Variants in FBXL20 observed in about 807,000 individuals in gnomAD.
FBXL20 encodes F-box and leucine rich repeat protein 20, also known as F-box/LRR-repeat protein 20.
Under a neutral mutation model 64.0 loss-of-function variants are expected in FBXL20, and 11 were observed. The observed-to-expected ratio is 0.17, with a 90% CI of 0.11 to 0.28. The LOEUF (loss-of-function observed/expected upper bound fraction) is 0.28. FBXL20 is among the 10% of genes least tolerant of loss of function. FBXL20 has a pLI of 1.00. For synonymous variants in FBXL20, 184 were observed against 189.0 expected (o/e 0.97, Z 0.22); for missense variants, 303 against 526.2 (o/e 0.58, Z 4.15).
At chr17:39,400,349 G>A (rs1218677812) in intron 1 of FBXL20, among the ~76,000 whole-genome samples, 7 of 152,170 alleles carry the variant, frequency 4.6e-5, no homozygotes, top group Admixed American at 3.9e-4. Context: ...TAGTTGTCGA[G>A]TTTCTTAAAC....
At position 39,282,801 on chromosome 17, in the gene FBXL20, G is replaced by C. The variant is rs761057089; in HGVS notation, c.549C>G (p.Thr183=). Residue 183 remains threonine (T), a synonymous_variant, in exon 8 of 15, where the codon ACC becomes ACG. Transcript: ENST00000264658. ...QLNISWCDQV[T]KDGIQALVRG... ...TCACTAGTGCTTGAATGCCATCCTT[G>C]GTTACTTGGTCACACCAGGAAATGT... 4 of 1,614,000 alleles carry C rather than the reference G, an allele frequency of 2.5e-6. No individual in the cohort carries two copies. Among genetic ancestry groups the C allele is most frequent in the Non-Finnish European group, 2.5e-6 (3 of 1,180,004 alleles).
chr17:39,391,311 T>C (rs1226381802), intron 1 of FBXL20, among the ~76,000 whole-genome samples: 1 of 150,784 alleles, frequency 6.6e-6, no homozygotes, highest in Non-Finnish European at 1.5e-5. Flanking sequence ...TCGAAAGCAG[T>C]ATATAGGATA....
intron 9 of FBXL20, among the ~76,000 whole-genome samples, chr17:39,280,083 A>C (rs1424657844): frequency 6.6e-6 from 1 of 151,936 alleles, no homozygotes; most frequent in African/African-American, 2.4e-5. Context: ...AAATACAAAA[A>C]AATCAGCCAG....
intron 1 of FBXL20, among the ~76,000 whole-genome samples, chr17:39,360,039 TA>T (rs1293114384): frequency 6.6e-6 from 1 of 152,092 alleles, no homozygotes; most frequent in Non-Finnish European, 1.5e-5. Flanking sequence ...TATGATTATA[TA>T]AAATTTACAT....
In FBXL20 at chr17:39,257,527, A is replaced by G. The variant is rs2046706297; in HGVS notation, c.*3933T>C. On this transcript the variant is annotated 3_prime_UTR_variant, in exon 15 of 15. Coordinates refer to ENST00000264658, the MANE Select transcript of FBXL20 (RefSeq NM_032875.3). ...AGACAAGAGCAGAATAGGAGAAGAA[A>G]ACATTTTTTACACAAAGCACAATAT... 2 of 152,262 alleles carry G rather than the reference A, an allele frequency of 1.3e-5. No homozygotes were observed. The highest frequency in any genetic ancestry group is 2.9e-5 in the Non-Finnish European group (2 of 68,046). The allele number at this position is 152,262 out of a possible 1,614,324, so 9.4% of individuals were successfully genotyped here.
chr17:39,372,145 C>T (rs1253950402), intron 1 of FBXL20, among the ~76,000 whole-genome samples: 1 of 152,056 alleles, frequency 6.6e-6, no homozygotes, highest in Non-Finnish European at 1.5e-5. Context: ...ACATATGCCT[C>T]ATAATTTCAA....
chr17:39,295,225 A>G lies in FBXL20; in HGVS notation c.398+1902T>C, dbSNP rs192074842. 3.1e-4 allele frequency among the ~76,000 whole-genome samples: 47 copies of G among 152,288 alleles called. 1 individual carries two copies. In the East Asian group the frequency reaches 7.9e-3, roughly 26 times the overall value. On this transcript the variant is annotated intron_variant, in intron 6 of 14. Transcript: ENST00000264658. The stretch of plus-strand genomic sequence containing the variant: ...ATTTTCATATTTAAAAAAAGTCAGC[A>G]GAAGTAATTTCTCTCTGTGTGACTA...
rs1220380856 is a variant in FBXL20, at chr17:39,360,386, A to AT, written c.43-17146_43-17145insA. Among the ~76,000 whole-genome samples, 48 of 152,372 alleles carry AT rather than the reference A, an allele frequency of 3.2e-4. No individual in the cohort carries two copies. The South Asian group carries it at 9.1e-3, about 29-fold the overall frequency. On this transcript the variant is annotated intron_variant, in intron 1 of 14. Transcript: ENST00000264658. ...TACACTTGAAATTGCTTTACGTGGT[A>AT]CATCTTATGCATATTTTATAATAAA... is the stretch of plus-strand genomic sequence containing the variant.
At chr17:39,299,395 G>GA (rs1213645605) in intron 4 of FBXL20, among the ~76,000 whole-genome samples, 2 of 152,234 alleles carry the variant, frequency 1.3e-5, no homozygotes, top group Non-Finnish European at 2.9e-5. Context: ...TGCAGCTACT[G>GA]AAAGACAGCA....
chr17:39,298,399 C>A (rs1279915828), intron 5 of FBXL20, among the ~76,000 whole-genome samples: 2 of 152,088 alleles, frequency 1.3e-5, no homozygotes, highest in Admixed American at 6.6e-5. Context: ...GGGGTCACTG[C>A]CCAGGTTAGG....
intron 1 of FBXL20, among the ~76,000 whole-genome samples, chr17:39,397,616 T>A (rs778565433): frequency 2.0e-5 from 3 of 152,172 alleles, no homozygotes; most frequent in African/African-American, 7.2e-5. Flanking sequence ...TATTTAAACA[T>A]TAATCTCACT....
intron 1 of FBXL20, among the ~76,000 whole-genome samples, chr17:39,374,152 G>A (rs1046275102): frequency 3.9e-5 from 6 of 151,924 alleles, no homozygotes; most frequent in Non-Finnish European, 2.9e-5. Context: ...TTGAACCTGG[G>A]AGGTGGAAGT....
intron 2 of FBXL20, among the ~76,000 whole-genome samples, chr17:39,331,528 T>C (rs1460561098): frequency 6.6e-6 from 1 of 152,336 alleles, no homozygotes; most frequent in African/African-American, 2.4e-5. Context: ...GAGATTGCTA[T>C]AATGCCCTAG....
At chr17:39,362,959 T>C (rs1444914251) in intron 1 of FBXL20, among the ~76,000 whole-genome samples, 1 of 151,738 alleles carries the variant, frequency 6.6e-6, no homozygotes, top group Non-Finnish European at 1.5e-5. Flanking sequence ...CAACCAACCA[T>C]TATTAAATGT....
At chr17:39,346,371 G>A (rs1449646391) in intron 1 of FBXL20, among the ~76,000 whole-genome samples, 1 of 151,990 alleles carries the variant, frequency 6.6e-6, no homozygotes, top group Non-Finnish European at 1.5e-5. Flanking sequence ...ATAATGAATG[G>A]TTTATTAAAT....
intron 2 of FBXL20, 92 bp downstream of exon 2, chr17:39,343,088 A>G (rs572493060): frequency 3.8e-6 from 3 of 789,190 alleles, no homozygotes; most frequent in Non-Finnish European, 6.1e-6. Context: ...GATACTATAC[A>G]TATATGAAAA....
At position 39,274,964 on chromosome 17, in the gene FBXL20, G is replaced by A. The variant is rs1433818509; in HGVS notation, c.827+6C>T. On this transcript the variant is annotated splice_donor_region_variant and intron_variant, in intron 10 of 14. Transcript: ENST00000264658. ...GATTTTTTTGAGCTAAACAAGAAATGTTTACCTAAGCCGTGGGCAGTTCTG... is the reference window on the plus strand; with the variant it reads ...GATTTTTTTGAGCTAAACAAGAAATATTTACCTAAGCCGTGGGCAGTTCTG... 6.2e-7 allele frequency: 1 copy of A among 1,611,154 alleles called. No individual in the cohort carries two copies. Among genetic ancestry groups the A allele is most frequent in the Non-Finnish European group, 8.5e-7 (1 of 1,179,326 alleles).
At chr17:39,363,063 G>A (rs1013754232) in intron 1 of FBXL20, among the ~76,000 whole-genome samples, 15 of 151,598 alleles carry the variant, frequency 9.9e-5, no homozygotes, top group African/African-American at 2.7e-4. Flanking sequence ...GCAATGGCAC[G>A]CGATCTCAGC....
chr17:39,367,104 C>T (rs1016159623), intron 1 of FBXL20, among the ~76,000 whole-genome samples: 10 of 151,598 alleles, frequency 6.6e-5, no homozygotes, highest in Non-Finnish European at 1.3e-4. Context: ...AGGATGGTCT[C>T]GATCTCCTGA....
Sources: allele counts gnomAD v4.1 joint callset (sites outside exome capture counted in the v4.1 genomes callset), GRCh38; gene constraint gnomAD v4.1.1; transcripts MANE v1.5; gene names NCBI Gene and HGNC (gene_info 2026-07-23, HGNC 2026-07-21).